The following STAC variants were observed in gnomAD, a reference collection of about 807,000 sequenced individuals.
STAC encodes SH3 and cysteine-rich domain-containing protein.
Under a neutral mutation model 48.8 loss-of-function variants are expected in STAC, and 43 were observed. The ratio of observed to expected loss-of-function variants is 0.88; its 90% CI spans 0.69 to 1.14. The LOEUF (loss-of-function observed/expected upper bound fraction) is 1.14. STAC is among the 50% of genes most tolerant of loss of function. The pLI, the probability that STAC is intolerant of heterozygous loss-of-function variation, is 0.00. For missense variants in STAC, 497 were observed against 504.0 expected, an observed-to-expected ratio of 0.99 and a Z score of 0.13; for synonymous variants, 193 against 179.5, an observed-to-expected ratio of 1.07 and a Z score of -0.60.
intron 8 of STAC, among the ~76,000 whole-genome samples, chr3:36,518,283 T>G (rs1698722112): frequency 6.6e-6 from 1 of 152,220 alleles, no homozygotes. Context: ...TTTAAAGGTT[T>G]AAATGCATAT....
chr3:36,386,265 G>A (rs1212009902), intron 1 of STAC, among the ~76,000 whole-genome samples: 2 of 151,826 alleles, frequency 1.3e-5, no homozygotes, highest in African/African-American at 4.8e-5. Context: ...GGCATTTGAT[G>A]TCTTCTTATG....
At chr3:36,518,921 G>C (rs1239346038) in intron 8 of STAC, among the ~76,000 whole-genome samples, 2 of 152,190 alleles carry the variant, frequency 1.3e-5, no homozygotes, top group Non-Finnish European at 2.9e-5. Flanking sequence ...ATGGGCCAGG[G>C]GACCAGCAGA....
At chr3:36,508,988 G>A (rs540234305) in intron 8 of STAC, among the ~76,000 whole-genome samples, 24 of 152,236 alleles carry the variant, frequency 1.6e-4, no homozygotes, top group Non-Finnish European at 2.8e-4. Flanking sequence ...TTGCTTGTTA[G>A]TTGATGCAGT....
At chr3:36,522,841 C>T (rs1397379474) in intron 8 of STAC, among the ~76,000 whole-genome samples, 1 of 152,118 alleles carries the variant, frequency 6.6e-6, no homozygotes, top group Non-Finnish European at 1.5e-5. Context: ...AGAGGCTGGG[C>T]TGGGCGGGGG....
intron 6 of STAC, 109 bp from the exon 7 acceptor site, chr3:36,504,284 A>G: frequency 2.0e-6 from 2 of 999,366 alleles, no homozygotes; most frequent in South Asian, 3.1e-5. Context: ...GGCAATAAGT[A>G]GTAAAGTAGA....
At chr3:36,475,635 G>A (rs1034902611) in intron 2 of STAC, among the ~76,000 whole-genome samples, 4 of 152,192 alleles carry the variant, frequency 2.6e-5, no homozygotes, top group Non-Finnish European at 4.4e-5. Context: ...TGGGTCACCC[G>A]GGGAGGCATG....
intron 1 of STAC, among the ~76,000 whole-genome samples, chr3:36,440,146 T>C (rs1696301174): frequency 6.6e-6 from 1 of 152,226 alleles, no homozygotes; most frequent in South Asian, 2.1e-4. Flanking sequence ...GCCTCTTTTT[T>C]GTATGGCTCC....
chr3:36,524,438 A>T (rs1698879817), intron 8 of STAC, among the ~76,000 whole-genome samples: 3 of 152,034 alleles, frequency 2.0e-5, no homozygotes, highest in Admixed American at 6.5e-5. Flanking sequence ...CTAAAAATAC[A>T]AAAATCAGCC....
At chr3:36,479,624 TCTA>T (rs1376875046) in intron 2 of STAC, among the ~76,000 whole-genome samples, 1 of 152,220 alleles carries the variant, frequency 6.6e-6, no homozygotes, top group Non-Finnish European at 1.5e-5. Context: ...ATCATACTAT[TCTA>T]TTAGCAACTC....
chr3:36,472,328 C>T (rs1032585017), intron 2 of STAC, among the ~76,000 whole-genome samples: 6 of 152,218 alleles, frequency 3.9e-5, no homozygotes, highest in Non-Finnish European at 8.8e-5. Context: ...TGCCTCCAGG[C>T]CTGTGATGGG....
intron 1 of STAC, among the ~76,000 whole-genome samples, chr3:36,440,910 G>A (rs1056872416): frequency 2.0e-5 from 3 of 152,144 alleles, no homozygotes; most frequent in Non-Finnish European, 4.4e-5. Context: ...CAAGAGTACT[G>A]AGCACCATTT....
intron 8 of STAC, among the ~76,000 whole-genome samples, chr3:36,522,702 G>T (rs545395881): frequency 1.3e-5 from 2 of 152,212 alleles, no homozygotes; most frequent in African/African-American, 4.8e-5. Flanking sequence ...GCTTCCCAAA[G>T]TAGGGCCAAT....
At chr3:36,436,139 A>C (rs1056309939) in intron 1 of STAC, among the ~76,000 whole-genome samples, 2 of 152,250 alleles carry the variant, frequency 1.3e-5, no homozygotes, top group Non-Finnish European at 2.9e-5. Context: ...CTTAACTGGC[A>C]GTGCCACTTG....
Position 36,528,841 on chromosome 3 carries a change from C to G in STAC, c.973-7C>G. 3 of 1,609,918 alleles carry G rather than the reference C, an allele frequency of 1.9e-6. No individual in the cohort carries two copies. The highest frequency in any genetic ancestry group is 2.5e-6 in the Non-Finnish European group (3 of 1,178,018). On this transcript the variant is annotated splice_region_variant and splice_polypyrimidine_tract_variant and intron_variant, in intron 9 of 10. Transcript: ENST00000273183. Reference sequence around the variant, plus strand: ...ATTGTGGATGCATGCCTCCTTTTTCCTTTCAGGGGAAAATTCAAGACAGAA... The same window carrying G: ...ATTGTGGATGCATGCCTCCTTTTTCGTTTCAGGGGAAAATTCAAGACAGAA...
At chr3:36,483,545 T>C (rs1190334685) in intron 3 of STAC, among the ~76,000 whole-genome samples, 16 of 152,108 alleles carry the variant, frequency 1.1e-4, no homozygotes, top group Admixed American at 9.8e-4. Flanking sequence ...GTAATAAATA[T>C]CTGCACCACT....
chr3:36,507,035 C>T (rs1215124176), intron 8 of STAC, among the ~76,000 whole-genome samples: 2 of 152,146 alleles, frequency 1.3e-5, no homozygotes. Flanking sequence ...AGTTTTTGCC[C>T]ATTCAGTATG....
chr3:36,441,687 G>C (rs1010291476), intron 1 of STAC, among the ~76,000 whole-genome samples: 1 of 152,092 alleles, frequency 6.6e-6, no homozygotes. Context: ...CTTCATAGTG[G>C]TTGCACTAGT....
intron 6 of STAC, among the ~76,000 whole-genome samples, chr3:36,493,932 C>T (rs545221189): frequency 4.6e-5 from 7 of 151,444 alleles, no homozygotes; most frequent in African/African-American, 1.2e-4. Context: ...GGGCGGATCA[C>T]GAGGTCAGGA....
intron 8 of STAC, among the ~76,000 whole-genome samples, chr3:36,520,290 A>T (rs770227641): frequency 1.3e-5 from 2 of 152,218 alleles, no homozygotes; most frequent in Non-Finnish European, 2.9e-5. Flanking sequence ...CTAGAGAGTC[A>T]AATCCTACTT....
Sources: gnomAD v4.1 joint callset for allele counts (sites outside exome capture counted in the v4.1 genomes callset) on GRCh38, gnomAD v4.1.1 for gene constraint, MANE v1.5 for transcripts, NCBI Gene and HGNC (gene_info 2026-07-23, HGNC 2026-07-21) for gene names.